The following MAPK10 variants were observed in gnomAD, a reference collection of about 807,000 sequenced individuals.
MAPK10 encodes JNK3 alpha protein kinase.
MAPK10 carries 25 observed loss-of-function variants against 59.3 expected under a neutral mutation model. The observed-to-expected ratio is 0.42, with a 90% confidence interval of 0.31 to 0.59. The LOEUF is 0.59. MAPK10 is among the 20% of genes least tolerant of loss of function. MAPK10 has a pLI of 0.15. For missense variants in MAPK10, 351 were observed against 568.9 expected (o/e 0.62, Z 3.90); for synonymous variants, 190 against 200.5 (o/e 0.95, Z 0.44).
chr4:86,339,111 C>T (rs1723349454), intron 2 of MAPK10, among the ~76,000 whole-genome samples: 1 of 152,178 alleles, frequency 6.6e-6, no homozygotes, highest in African/African-American at 2.4e-5. Flanking sequence ...CTATTACACA[C>T]AGTGTATCGG....
At chr4:86,534,882 G>A (rs973961966) in intron 1 of MAPK10, among the ~76,000 whole-genome samples, 3 of 152,038 alleles carry the variant, frequency 2.0e-5, no homozygotes, top group South Asian at 4.2e-4. Flanking sequence ...CTCCAGCCTG[G>A]GTGGCAGAGC....
At chr4:86,320,267 A>G (rs113500332) in intron 2 of MAPK10, among the ~76,000 whole-genome samples, 2,065 of 152,320 alleles carry the variant, frequency 0.014, 12 homozygotes, top group African/African-American at 0.015. Flanking sequence ...ATAGTTCAGA[A>G]ATTATGAGAT....
chr4:86,101,322 C>T, intron 7 of MAPK10, 105 bp from the exon 8 acceptor site: 1 of 727,178 alleles, frequency 1.4e-6, no homozygotes, highest in Non-Finnish European at 2.3e-6. Flanking sequence ...TGATGAGGTC[C>T]CCCTTGCCTA....
chr4:86,572,558 T>C (rs1399288073), intron 1 of MAPK10, among the ~76,000 whole-genome samples: 2 of 152,176 alleles, frequency 1.3e-5, no homozygotes, highest in East Asian at 3.9e-4. Context: ...AATTTCATAG[T>C]CCAGTGTTCC....
At chr4:86,389,460 T>C (rs570120960) in intron 1 of MAPK10, among the ~76,000 whole-genome samples, 1 of 152,354 alleles carries the variant, frequency 6.6e-6, no homozygotes, top group Admixed American at 6.5e-5. Flanking sequence ...AGACAATAAA[T>C]TAGTAATTCT....
intron 1 of MAPK10, among the ~76,000 whole-genome samples, chr4:86,570,377 A>G (rs1239139012): frequency 2.6e-5 from 4 of 152,118 alleles, no homozygotes; most frequent in Admixed American, 1.3e-4. Flanking sequence ...CTAACTTTGA[A>G]CCCCAATTAA....
At chr4:86,059,850 T>C (rs1159798963) in intron 11 of MAPK10, among the ~76,000 whole-genome samples, 1 of 152,144 alleles carries the variant, frequency 6.6e-6, no homozygotes, top group African/African-American at 2.4e-5. Flanking sequence ...CATTCTCTTC[T>C]GGAACTTTCA....
chr4:86,135,206 C>T (rs1267236229), intron 4 of MAPK10, among the ~76,000 whole-genome samples: 1 of 152,230 alleles, frequency 6.6e-6, no homozygotes, highest in Non-Finnish European at 1.5e-5. Flanking sequence ...GGCCTGCCTG[C>T]CTCTGGAGGC....
intron 11 of MAPK10, chr4:86,044,554 T>C (rs1350982367): frequency 2.6e-6 from 1 of 391,804 alleles, no homozygotes; most frequent in Non-Finnish European, 4.5e-6. Flanking sequence ...TTTCTCTCAA[T>C]CTTTAATGGC....
At chr4:86,394,685 T>C (rs1742681272) in intron 1 of MAPK10, among the ~76,000 whole-genome samples, 1 of 152,184 alleles carries the variant, frequency 6.6e-6, no homozygotes, top group Non-Finnish European at 1.5e-5. Flanking sequence ...TCAGGGAAAA[T>C]ACCATAAATG....
intron 2 of MAPK10, among the ~76,000 whole-genome samples, chr4:86,330,798 T>C (rs1375536506): frequency 2.0e-5 from 3 of 152,182 alleles, no homozygotes; most frequent in African/African-American, 7.2e-5. Context: ...CCACTGCTGT[T>C]TTCATTACTA....
intron 2 of MAPK10, among the ~76,000 whole-genome samples, chr4:86,324,553 C>T (rs889861213): frequency 6.6e-6 from 1 of 152,136 alleles, no homozygotes; most frequent in African/African-American, 2.4e-5. Context: ...AAATATTAAT[C>T]GTATCATTCA....
chr4:86,083,842 T>C (rs887380418), intron 9 of MAPK10, among the ~76,000 whole-genome samples: 5 of 152,094 alleles, frequency 3.3e-5, no homozygotes, highest in African/African-American at 1.2e-4. Context: ...GAACTTTGTC[T>C]TGCATTTTGG....
At chr4:86,463,988 A>G (rs1454561557) in intron 1 of MAPK10, among the ~76,000 whole-genome samples, 1 of 152,162 alleles carries the variant, frequency 6.6e-6, no homozygotes, top group Non-Finnish European at 1.5e-5. Context: ...ATACTAATTC[A>G]CAGACTCTAA....
chr4:86,220,363 G>A (rs2089200670), intron 2 of MAPK10, among the ~76,000 whole-genome samples: 1 of 152,066 alleles, frequency 6.6e-6, no homozygotes, highest in Non-Finnish European at 1.5e-5. Context: ...AAAAAAATGA[G>A]GTTGACAATA....
At chr4:86,373,176 T>C (rs901545551) in intron 1 of MAPK10, among the ~76,000 whole-genome samples, 6 of 152,194 alleles carry the variant, frequency 3.9e-5, no homozygotes, top group South Asian at 2.1e-4. Flanking sequence ...CCCTATTTAA[T>C]AAACGACGTT....
At chr4:86,406,221 A>G (rs1426985338) in intron 1 of MAPK10, among the ~76,000 whole-genome samples, 2 of 152,280 alleles carry the variant, frequency 1.3e-5, no homozygotes, top group South Asian at 4.2e-4. Flanking sequence ...TGCTAATCAA[A>G]TATGGCCCCT....
intron 4 of MAPK10, among the ~76,000 whole-genome samples, chr4:86,126,349 A>C (rs1440794030): frequency 3.9e-5 from 6 of 152,052 alleles, no homozygotes; most frequent in Non-Finnish European, 5.9e-5. Flanking sequence ...TTTGTATCAT[A>C]ATTATGATAT....
At chr4:86,131,083 G>A (rs560719166) in intron 4 of MAPK10, among the ~76,000 whole-genome samples, 1 of 152,238 alleles carries the variant, frequency 6.6e-6, no homozygotes, top group South Asian at 2.1e-4. Context: ...AGTACATGAG[G>A]GTAGTCAGGG....
Sources: allele counts gnomAD v4.1 joint callset (sites outside exome capture counted in the v4.1 genomes callset), GRCh38; gene constraint gnomAD v4.1.1; transcripts MANE v1.5; gene names NCBI Gene and HGNC (gene_info 2026-07-23, HGNC 2026-07-21).